PARD3: variants seen among roughly 807,000 people sequenced by gnomAD.
PARD3 encodes the protein partitioning defective 3 homolog.
A neutral mutation model predicts 155.4 loss-of-function variants in PARD3; 75 were observed. The ratio of observed to expected loss-of-function variants is 0.48; its 90% CI spans 0.40 to 0.58. The LOEUF (loss-of-function observed/expected upper bound fraction) is 0.58, where lower values mean the gene tolerates loss of function less well. Ranked by LOEUF, PARD3 falls within the 20% of genes least tolerant of loss-of-function variation. PARD3 has a pLI of 0.00. For missense variants in PARD3, 1,642 were observed against 1,721.7 expected, an observed-to-expected ratio of 0.95 and a Z score of 0.82; for synonymous variants, 576 against 610.5, an observed-to-expected ratio of 0.94 and a Z score of 0.83.
chr10:34,236,013 T>G (rs755640385), intron 22 of PARD3, among the ~76,000 whole-genome samples: 5 of 152,194 alleles, frequency 3.3e-5, no homozygotes, highest in Non-Finnish European at 7.4e-5. Context: ...CAATGTCATC[T>G]TCTCTATAGC....
intron 22 of PARD3, among the ~76,000 whole-genome samples, chr10:34,140,921 G>A (rs1948156272): frequency 6.6e-6 from 1 of 152,066 alleles, no homozygotes; most frequent in South Asian, 2.1e-4. Flanking sequence ...TGAAATTTTG[G>A]GATGGATCCT....
intron 24 of PARD3, among the ~76,000 whole-genome samples, chr10:34,118,349 A>C (rs892596152): frequency 6.6e-6 from 1 of 152,116 alleles, no homozygotes; most frequent in Admixed American, 6.5e-5. Context: ...TAACATGTAA[A>C]GAAATTCATC....
chr10:34,132,090 G>T (rs1947643725), intron 22 of PARD3, among the ~76,000 whole-genome samples: 1 of 152,108 alleles, frequency 6.6e-6, no homozygotes, highest in African/African-American at 2.4e-5. Flanking sequence ...CAAATGCACA[G>T]CAATATTTTC....
intron 21 of PARD3, among the ~76,000 whole-genome samples, chr10:34,279,105 G>A (rs1007358436): frequency 7.1e-6 from 1 of 141,576 alleles, no homozygotes; most frequent in Non-Finnish European, 1.5e-5. Flanking sequence ...TATGCCTAAC[G>A]CTTAATTTTC....
intron 20 of PARD3, among the ~76,000 whole-genome samples, chr10:34,294,243 C>T (rs1956803751): frequency 6.6e-6 from 1 of 152,214 alleles, no homozygotes; most frequent in Admixed American, 6.5e-5. Flanking sequence ...CATCCACCCT[C>T]AATTAAATAT....
intron 5 of PARD3, among the ~76,000 whole-genome samples, chr10:34,433,556 G>A (rs936878036): frequency 6.6e-6 from 1 of 152,088 alleles, no homozygotes; most frequent in African/African-American, 2.4e-5. Flanking sequence ...AGGAAAATTA[G>A]TCCCCCAAGG....
At chr10:34,784,061 A>T (rs1427938524) in intron 1 of PARD3, among the ~76,000 whole-genome samples, 2 of 152,122 alleles carry the variant, frequency 1.3e-5, no homozygotes, top group Non-Finnish European at 2.9e-5. Context: ...CTTCTTAAAA[A>T]TTAGCCAGGC....
chr10:34,281,431 C>T (rs1956153632), intron 21 of PARD3, among the ~76,000 whole-genome samples: 1 of 152,166 alleles, frequency 6.6e-6, no homozygotes, highest in Admixed American at 6.5e-5. Flanking sequence ...CTCCCCGCTT[C>T]TCAAGAAGAC....
intron 5 of PARD3, among the ~76,000 whole-genome samples, chr10:34,405,333 T>C (rs773355914): frequency 2.6e-5 from 4 of 152,186 alleles, no homozygotes; most frequent in African/African-American, 7.2e-5. Flanking sequence ...TAAGAGTATA[T>C]ACATGTATTC....
At position 34,640,222 on chromosome 10, in the gene PARD3, C is replaced by T. The variant is rs375322887; in HGVS notation, c.222+56096G>A. 3.9e-5 allele frequency among the ~76,000 whole-genome samples: 6 copies of T among 152,270 alleles called. No homozygotes were observed. The East Asian group carries it at 5.8e-4, about 15-fold the overall frequency. On this transcript the variant is annotated intron_variant, in intron 2 of 24. Transcript: ENST00000374788. ...CATCCCTGGGCCTGGAGGCTGCAGG[C>T]GTGAATCCTACAAGAGCAAAGGGTC...
At chr10:34,674,816 C>A (rs2093674504) in intron 2 of PARD3, among the ~76,000 whole-genome samples, 1 of 152,116 alleles carries the variant, frequency 6.6e-6, no homozygotes. Flanking sequence ...CTGAGCAAAG[C>A]CAAGAACCTT....
chr10:34,688,169 C>T (rs918406916), intron 2 of PARD3, among the ~76,000 whole-genome samples: 9 of 152,082 alleles, frequency 5.9e-5, no homozygotes, highest in African/African-American at 2.2e-4. Context: ...TCTTTGTTTA[C>T]GCCCCTTACA....
chr10:34,188,440 T>A (rs1204764555), intron 22 of PARD3, among the ~76,000 whole-genome samples: 1 of 152,150 alleles, frequency 6.6e-6, no homozygotes, highest in Non-Finnish European at 1.5e-5. Flanking sequence ...CAGGATAACA[T>A]GCAGAGTCTA....
intron 2 of PARD3, among the ~76,000 whole-genome samples, chr10:34,607,634 A>T (rs2090572295): frequency 6.6e-6 from 1 of 152,236 alleles, no homozygotes; most frequent in South Asian, 2.1e-4. Flanking sequence ...AGGCAGGAAA[A>T]GGTAAGTCCA....
At chr10:34,735,155 T>G (rs1472132928) in intron 1 of PARD3, among the ~76,000 whole-genome samples, 2 of 152,152 alleles carry the variant, frequency 1.3e-5, no homozygotes, top group African/African-American at 2.4e-5. Flanking sequence ...CAGAAAATAA[T>G]AAGTAGATAA....
chr10:34,686,021 A>G (rs1180759192), intron 2 of PARD3, among the ~76,000 whole-genome samples: 2 of 152,204 alleles, frequency 1.3e-5, no homozygotes, highest in Non-Finnish European at 1.5e-5. Context: ...ACTGAACTCA[A>G]ATTAATTTCA....
chr10:34,719,201 C>T lies in PARD3; in HGVS notation c.121-22782G>A, dbSNP rs137923602. On this transcript the variant is annotated intron_variant, in intron 1 of 24. Coordinates refer to ENST00000374788, the MANE Select transcript of PARD3 (RefSeq NM_001184785.2). ...AAAAAAGCTAGTGCTCGAATCCTAA[C>T]CTTCATGTCATCATTAATTGTGACG... is the stretch of plus-strand genomic sequence containing the variant. 1.1e-4 allele frequency among the ~76,000 whole-genome samples: 16 copies of T among 152,262 alleles called. No homozygotes were observed. The East Asian group carries it at 3.1e-3, about 29-fold the overall frequency.
chr10:34,215,664 C>T (rs945049640), intron 22 of PARD3, among the ~76,000 whole-genome samples: 3 of 152,190 alleles, frequency 2.0e-5, no homozygotes, highest in African/African-American at 7.2e-5. Flanking sequence ...TAAACATAGG[C>T]TTAACTTCTA....
chr10:34,740,059 T>G (rs2094981309), intron 1 of PARD3, among the ~76,000 whole-genome samples: 1 of 152,124 alleles, frequency 6.6e-6, no homozygotes, highest in South Asian at 2.1e-4. Flanking sequence ...TCAGCTGACT[T>G]GAGCTGGAGA....
Sources: allele counts gnomAD v4.1 joint callset (sites outside exome capture counted in the v4.1 genomes callset), GRCh38; gene constraint gnomAD v4.1.1; transcripts MANE v1.5; gene names NCBI Gene and HGNC (gene_info 2026-07-23, HGNC 2026-07-21).